SEMA3C: variants seen among roughly 807,000 people sequenced by gnomAD.
SEMA3C encodes semaphorin 3C, also known as semaphorin-3C.
Under a neutral mutation model 89.4 loss-of-function variants are expected in SEMA3C, and 47 were observed. That is an observed-to-expected ratio of 0.53 (90% CI 0.42 to 0.67). SEMA3C has a LOEUF of 0.67. SEMA3C is among the 30% of genes least tolerant of loss of function. SEMA3C has a pLI of 0.00. For missense variants in SEMA3C, 839 were observed against 929.1 expected (o/e 0.90, Z 1.26); for synonymous variants, 310 against 320.2 (o/e 0.97, Z 0.34).
At chr7:80,877,561 G>C (rs995879341) in intron 2 of SEMA3C, among the ~76,000 whole-genome samples, 6 of 152,024 alleles carry the variant, frequency 3.9e-5, no homozygotes, top group African/African-American at 1.5e-4. Flanking sequence ...CATGCCATTT[G>C]GCAATAGTGG....
intron 7 of SEMA3C, among the ~76,000 whole-genome samples, chr7:80,804,805 T>C (rs1309835411): frequency 1.3e-5 from 2 of 152,142 alleles, no homozygotes; most frequent in African/African-American, 4.8e-5. Context: ...ATAATCTGAA[T>C]AAGTAAATGA....
chr7:80,857,549 T>C (rs188696407), intron 2 of SEMA3C, among the ~76,000 whole-genome samples: 2 of 152,306 alleles, frequency 1.3e-5, no homozygotes, highest in Admixed American at 1.3e-4. Flanking sequence ...TATCAGGATT[T>C]TGTTTTAATT....
chr7:80,758,066 G>A (rs1001852943), intron 15 of SEMA3C, among the ~76,000 whole-genome samples: 1 of 152,138 alleles, frequency 6.6e-6, no homozygotes, highest in South Asian at 2.1e-4. Context: ...TGAGTCCTAG[G>A]GGAGTAGGTG....
At chr7:80,800,518 G>T (rs531219304) in intron 10 of SEMA3C, among the ~76,000 whole-genome samples, 59 of 152,074 alleles carry the variant, frequency 3.9e-4, no homozygotes, top group African/African-American at 1.2e-3. Context: ...TCATTATTTT[G>T]ATTTGTTTGA....
intron 2 of SEMA3C, among the ~76,000 whole-genome samples, chr7:80,909,039 T>C (rs1031867186): frequency 2.6e-5 from 4 of 152,126 alleles, no homozygotes; most frequent in Non-Finnish European, 5.9e-5. Flanking sequence ...ACTAAAACGG[T>C]ATTCAAATAT....
At chr7:80,883,597 T>A (rs762529521) in intron 2 of SEMA3C, among the ~76,000 whole-genome samples, 1 of 152,234 alleles carries the variant, frequency 6.6e-6, no homozygotes, top group Non-Finnish European at 1.5e-5. Context: ...GTCACCACCC[T>A]GTCTTTGGAA....
chr7:80,914,455 C>T (rs1792223989), intron 2 of SEMA3C, among the ~76,000 whole-genome samples: 1 of 144,794 alleles, frequency 6.9e-6, no homozygotes, highest in Non-Finnish European at 1.6e-5. Flanking sequence ...AAAATTTGTA[C>T]ATTTTGACAA....
chr7:80,816,195 A>G (rs1000852384), intron 5 of SEMA3C: 1 of 152,216 alleles, frequency 6.6e-6, no homozygotes, highest in Non-Finnish European at 1.5e-5. Flanking sequence ...GTGATGCTCC[A>G]AACACGAAGT....
chr7:80,819,882 A>T (rs1337216528), intron 4 of SEMA3C, among the ~76,000 whole-genome samples: 1 of 152,114 alleles, frequency 6.6e-6, no homozygotes, highest in Non-Finnish European at 1.5e-5. Context: ...CCTGAGATTG[A>T]ATGACTTCAT....
chr7:80,788,272 G>T (rs571281325), intron 12 of SEMA3C, among the ~76,000 whole-genome samples: 1 of 152,266 alleles, frequency 6.6e-6, no homozygotes, highest in South Asian at 2.1e-4. Flanking sequence ...ATTACAACAA[G>T]ACGTTATTGT....
At chr7:80,841,899 G>C (rs1790277931) in intron 2 of SEMA3C, among the ~76,000 whole-genome samples, 1 of 152,088 alleles carries the variant, frequency 6.6e-6, no homozygotes. Flanking sequence ...GTTTAGCCAA[G>C]TTACTACATT....
intron 2 of SEMA3C, among the ~76,000 whole-genome samples, chr7:80,882,299 C>T (rs1477343425): frequency 2.0e-5 from 3 of 151,362 alleles, no homozygotes; most frequent in African/African-American, 7.3e-5. Context: ...TGAAATGTAA[C>T]ACACCTTCTG....
chr7:80,798,186 T>C lies in SEMA3C; in HGVS notation c.1037A>G (p.Gln346Arg). 1.3e-6 allele frequency: 2 copies of C among 1,593,184 alleles called. No homozygotes were observed. Among genetic ancestry groups the C allele is most frequent in the Non-Finnish European group, 1.7e-6 (2 of 1,171,932 alleles). ...AVCVYHLSDI[Q>R]TVFNGPFAHK... The stretch of plus-strand genomic sequence containing the variant: ...GGCAAAAGGCCCATTAAACACAGTC[T>C]GTATATCAGATAAATGATACACACA... Residue 346 changes from glutamine (Q) to arginine (R), a missense_variant, in exon 11 of 18, where the codon CAG (glutamine) becomes CGG (arginine). Gln to Arg is a conservative substitution (Grantham distance 43, BLOSUM62 1). Coordinates refer to ENST00000265361, the MANE Select transcript of SEMA3C (RefSeq NM_006379.5).
intron 1 of SEMA3C, chr7:80,918,300 C>T (rs928844285): frequency 1.3e-5 from 2 of 152,082 alleles, no homozygotes; most frequent in Non-Finnish European, 2.9e-5. Flanking sequence ...TGGTATCTTA[C>T]CTTATATGTT....
At chr7:80,799,376 T>C (rs955546195) in intron 10 of SEMA3C, among the ~76,000 whole-genome samples, 1 of 152,092 alleles carries the variant, frequency 6.6e-6, no homozygotes, top group Non-Finnish European at 1.5e-5. Flanking sequence ...AGTGGCTGAG[T>C]TACAGCTTAA....
At chr7:80,793,451 A>T (rs989330363) in intron 11 of SEMA3C, 3 of 450,544 alleles carry the variant, frequency 6.7e-6, no homozygotes, top group Non-Finnish European at 1.3e-5. Context: ...CCAGTAGGGG[A>T]CACAAGAATA....
rs1156489101 is a variant in SEMA3C at position 80,758,426 on chromosome 7, G to C, written c.1548C>G (p.Ile516Met). 6.2e-7 allele frequency: 1 copy of C among 1,614,016 alleles called. No individual in the cohort carries two copies. The highest frequency in any genetic ancestry group is 8.5e-7 in the Non-Finnish European group (1 of 1,179,888). The change falls in exon 15 of 18, where the codon ATC (isoleucine) becomes ATG (methionine). Residue 516 changes from isoleucine to methionine, a missense_variant. Ile to Met is a conservative substitution (Grantham distance 10). Transcript: ENST00000265361. ...AGCAGTCAGCACAGGCTGTACCATA[G>C]ATGTGGCAGCGGTGCAGAGATACCT... is the stretch of plus-strand genomic sequence containing the variant. ...VSQVSLHRCHIYGTACADCCL... is the reference protein window; with the variant it reads ...VSQVSLHRCHMYGTACADCCL...
intron 2 of SEMA3C, among the ~76,000 whole-genome samples, chr7:80,865,268 CTT>C (rs1333534440): frequency 1.3e-5 from 2 of 151,878 alleles, no homozygotes; most frequent in Non-Finnish European, 2.9e-5. Flanking sequence ...GATACAGAAA[CTT>C]TTTTTTAAAG....
At chr7:80,817,172 T>C (rs1789627383) in intron 5 of SEMA3C, among the ~76,000 whole-genome samples, 1 of 152,176 alleles carries the variant, frequency 6.6e-6, no homozygotes, top group African/African-American at 2.4e-5. Context: ...AAATGTCTCA[T>C]TTTGGGGTCA....
Sources: gnomAD v4.1 joint callset for allele counts (sites outside exome capture counted in the v4.1 genomes callset) on GRCh38, gnomAD v4.1.1 for gene constraint, MANE v1.5 for transcripts, NCBI Gene and HGNC (gene_info 2026-07-23, HGNC 2026-07-21) for gene names.